HERC3: variants seen among roughly 807,000 people sequenced by gnomAD.
HERC3 encodes the protein HECT and RLD domain containing E3 ubiquitin protein ligase 3.
In HERC3, 58 loss-of-function variants were observed where a neutral mutation model predicts 129.9. The ratio of observed to expected loss-of-function variants is 0.45; its 90% CI spans 0.36 to 0.56. The LOEUF (loss-of-function observed/expected upper bound fraction) is 0.56. Among genes scored for constraint, HERC3 ranks in the 20% least tolerant of loss-of-function variants. The probability of loss-of-function intolerance (pLI) is 0.00; values close to 1 mark genes in which losing one functional copy is unlikely to be tolerated. For missense variants in HERC3, 835 were observed against 1,244.2 expected (o/e 0.67, Z 4.95); for synonymous variants, 430 against 451.0 (o/e 0.95, Z 0.59).
Position 88,606,058 on chromosome 4 carries a change from A to G in HERC3, c.226+9A>G. ...GGAAGGAAACAAGCCAGGTAAGTGC[A>G]CCTTATCTGTCTTGATTATTGGTGA... On this transcript the variant is annotated intron_variant, in intron 3 of 25. Transcript: ENST00000402738. 2 of 1,601,688 alleles carry G rather than the reference A, an allele frequency of 1.2e-6. No individual in the cohort carries two copies. The highest frequency in any genetic ancestry group is 1.7e-6 in the Non-Finnish European group (2 of 1,169,762).
chr4:88,692,643 T>C (rs2602128), intron 23 of HERC3, among the ~76,000 whole-genome samples: 7,591 of 152,276 alleles, frequency 0.05, 210 homozygotes, highest in Middle Eastern at 0.11. Flanking sequence ...GTAACACTTC[T>C]TGAGTGCTTA....
chr4:88,614,118 C>T (rs976658948), intron 3 of HERC3, among the ~76,000 whole-genome samples: 1 of 152,102 alleles, frequency 6.6e-6, no homozygotes, highest in African/African-American at 2.4e-5. Context: ...TGGTTTGCTT[C>T]GTGAAACAAG....
At chr4:88,537,582 G>A in the HERC3 span, among the ~76,000 whole-genome samples, 1 of 152,238 alleles carries the variant, frequency 6.6e-6, no homozygotes, top group African/African-American at 2.4e-5. Flanking sequence ...GTAAATTACT[G>A]TTTTCCTCTA....
the HERC3 span, among the ~76,000 whole-genome samples, chr4:88,571,580 C>G: frequency 2.6e-5 from 4 of 152,284 alleles, no homozygotes; most frequent in East Asian, 7.7e-4. Flanking sequence ...TTAGGTATAT[C>G]TATTCATAGT....
At chr4:88,594,553 A>G (rs1415528188) in intron 1 of HERC3, among the ~76,000 whole-genome samples, 2 of 152,194 alleles carry the variant, frequency 1.3e-5, no homozygotes, top group East Asian at 3.9e-4. Flanking sequence ...ACAGGCGTGC[A>G]CCACCATGCC....
chr4:88,609,814 T>G (rs1267442705), intron 3 of HERC3, among the ~76,000 whole-genome samples: 2 of 152,204 alleles, frequency 1.3e-5, no homozygotes, highest in African/African-American at 4.8e-5. Flanking sequence ...AACAAATTTA[T>G]TAAGAAAGTA....
chr4:88,578,813 A>G, the HERC3 span, among the ~76,000 whole-genome samples: 9 of 152,270 alleles, frequency 5.9e-5, no homozygotes, highest in South Asian at 1.7e-3. Flanking sequence ...GGAAACGGAA[A>G]TGACTTGTCT....
chr4:88,590,766 C>T (rs1721657836), upstream of HERC3, among the ~76,000 whole-genome samples: 1 of 152,190 alleles, frequency 6.6e-6, no homozygotes, highest in Non-Finnish European at 1.5e-5. Context: ...TTGCCAACAG[C>T]ATCTCTAAAT....
chr4:88,583,639 T>C, the HERC3 span: 1 of 152,160 alleles, frequency 6.6e-6, no homozygotes, highest in East Asian at 1.9e-4. Flanking sequence ...GAAACTGATA[T>C]GGAGCTATGA....
At chr4:88,648,179 A>C (rs1267085767) in intron 3 of HERC3, among the ~76,000 whole-genome samples, 1 of 152,144 alleles carries the variant, frequency 6.6e-6, no homozygotes, top group Non-Finnish European at 1.5e-5. Flanking sequence ...TAAAACTCAT[A>C]ATGCTCTAAA....
At chr4:88,612,289 C>CTGTGTG (rs3220740) in intron 3 of HERC3, among the ~76,000 whole-genome samples, 14,230 of 141,554 alleles carry the variant, frequency 0.1, 745 homozygotes, top group East Asian at 0.13. Context: ...ATGTGACCAA[C>CTGTGTG]TGTGTGTGTG....
chr4:88,649,959 C>G lies in HERC3; in HGVS notation c.346C>G (p.Leu116Val). The change falls in exon 4 of 26, where the codon CTA becomes GTA. Residue 116 changes from leucine to valine, a missense_variant. Physicochemically the swap from Leu to Val is conservative, Grantham distance 32. Transcript: ENST00000402738. ...TTGGGGTGCAGGGAGTGATGGTCAG[C>G]TAGGACTCATGACTACTGAGGATTC... Reference protein sequence around the residue: ...FSWGAGSDGQLGLMTTEDSVA... With the variant: ...FSWGAGSDGQVGLMTTEDSVA... The G allele has an allele frequency of 6.2e-7, 1 of 1,614,090 alleles. No individual in the cohort carries two copies. Among genetic ancestry groups the G allele is most frequent in the Non-Finnish European group, 8.5e-7 (1 of 1,179,996 alleles).
intron 16 of HERC3, among the ~76,000 whole-genome samples, chr4:88,674,953 G>A (rs1732003334): frequency 6.6e-6 from 1 of 152,116 alleles, no homozygotes; most frequent in Non-Finnish European, 1.5e-5. Context: ...AGGACAAGAG[G>A]AGGCACATGC....
chr4:88,588,036 A>C (rs1050751909), upstream of HERC3, among the ~76,000 whole-genome samples: 3 of 152,254 alleles, frequency 2.0e-5, no homozygotes. Context: ...TTTCTTAGAA[A>C]ATGTTCAACC....
At chr4:88,601,864 G>A (rs1349275092) in intron 2 of HERC3, among the ~76,000 whole-genome samples, 1 of 95,814 alleles carries the variant, frequency 1.0e-5, no homozygotes, top group Non-Finnish European at 1.7e-5. Flanking sequence ...AGACCATCCC[G>A]GCTAAAACGG....
At chr4:88,600,729 A>G (rs968662704) in intron 2 of HERC3, among the ~76,000 whole-genome samples, 6 of 152,188 alleles carry the variant, frequency 3.9e-5, no homozygotes, top group African/African-American at 1.2e-4. Context: ...TTCCTGTTCC[A>G]TATTTTGGAT....
chr4:88,655,821 T>C, intron 8 of HERC3, 54 bp from the exon 9 acceptor site: 1 of 1,548,520 alleles, frequency 6.5e-7, no homozygotes, highest in East Asian at 2.3e-5. Flanking sequence ...AGAGTCAGAG[T>C]GTACATCCAC....
At chr4:88,682,637 A>G (rs1047690900) in intron 21 of HERC3, among the ~76,000 whole-genome samples, 1 of 152,004 alleles carries the variant, frequency 6.6e-6, no homozygotes, top group African/African-American at 2.4e-5. Flanking sequence ...CCATGTCCCT[A>G]CAAAGGACAT....
the HERC3 span, among the ~76,000 whole-genome samples, chr4:88,537,684 GT>G: frequency 3.9e-5 from 6 of 152,200 alleles, no homozygotes; most frequent in Non-Finnish European, 8.8e-5. Flanking sequence ...AATAGAAATT[GT>G]TTAGCTGTGT....
Sources: gnomAD v4.1 joint callset for allele counts (sites outside exome capture counted in the v4.1 genomes callset) on GRCh38, gnomAD v4.1.1 for gene constraint, MANE v1.5 for transcripts, NCBI Gene and HGNC (gene_info 2026-07-23, HGNC 2026-07-21) for gene names.